The following AKR1E2 variants were observed in gnomAD, a reference collection of about 807,000 sequenced individuals.
The protein encoded by AKR1E2 is 1,5-anhydro-D-fructose reductase.
AKR1E2 carries 43 observed loss-of-function variants against 41.9 expected under a neutral mutation model. The ratio of observed to expected loss-of-function variants is 1.03; its 90% CI spans 0.80 to 1.32. The LOEUF (loss-of-function observed/expected upper bound fraction) is 1.32, where lower values mean the gene tolerates loss of function less well. AKR1E2 is among the 40% of genes most tolerant of loss of function. The pLI, the probability that AKR1E2 is intolerant of heterozygous loss-of-function variation, is 0.00. For synonymous variants in AKR1E2, 121 were observed against 138.9 expected (o/e 0.87, Z 0.91); for missense variants, 423 against 396.5 (o/e 1.07, Z -0.57).
At chr10:4,827,242 T>C (rs1832612394) in intron 1 of AKR1E2, among the ~76,000 whole-genome samples, 1 of 152,150 alleles carries the variant, frequency 6.6e-6, no homozygotes, top group South Asian at 2.1e-4. Context: ...TTTTGAGCCG[T>C]GTATACAATT....
chr10:4,846,069 G>A, intron 8 of AKR1E2: 1 of 355,738 alleles, frequency 2.8e-6, no homozygotes, highest in Non-Finnish European at 5.6e-6. Flanking sequence ...CCTTTATAAG[G>A]AGTCTTCTAG....
At chr10:4,835,088 C>T (rs1328850296) in intron 3 of AKR1E2, among the ~76,000 whole-genome samples, 1 of 152,220 alleles carries the variant, frequency 6.6e-6, no homozygotes, top group Non-Finnish European at 1.5e-5. Flanking sequence ...AATAAACATG[C>T]CTATGCCATT....
chr10:4,832,022 G>T (rs11252767), intron 2 of AKR1E2, among the ~76,000 whole-genome samples: 15,629 of 152,210 alleles, frequency 0.1, 902 homozygotes, highest in Middle Eastern at 0.15. Context: ...GGAAATGGAT[G>T]TGGAGGGTAT....
At chr10:4,854,487 C>A in the AKR1E2 span, among the ~76,000 whole-genome samples, 1 of 152,176 alleles carries the variant, frequency 6.6e-6, no homozygotes, top group East Asian at 1.9e-4. Context: ...CTCTTGGGGT[C>A]TTCTTCCAGA....
At chr10:4,852,744 T>TG (rs879464858), downstream of AKR1E2, among the ~76,000 whole-genome samples, 220 of 152,308 alleles carry the variant, frequency 1.4e-3, 1 homozygote, top group Non-Finnish European at 2.0e-3. Context: ...ATTTTGTTGT[T>TG]TTTGTTCTAA....
the AKR1E2 span, among the ~76,000 whole-genome samples, chr10:4,864,069 C>G: frequency 3.9e-5 from 6 of 152,126 alleles, no homozygotes; most frequent in African/African-American, 1.4e-4. Context: ...TGAAACTATT[C>G]CAATCAATAG....
chr10:4,844,216 G>A (rs1460999450), intron 8 of AKR1E2, among the ~76,000 whole-genome samples: 1 of 152,198 alleles, frequency 6.6e-6, no homozygotes, highest in Non-Finnish European at 1.5e-5. Flanking sequence ...TGGCTTAGGA[G>A]TGAAGGTGAG....
At chr10:4,825,925 A>G (rs1480313442), upstream of AKR1E2, among the ~76,000 whole-genome samples, 1 of 151,612 alleles carries the variant, frequency 6.6e-6, no homozygotes. Context: ...GTCACACCTA[A>G]GGTGGGGGCG....
the AKR1E2 span, among the ~76,000 whole-genome samples, chr10:4,860,297 G>A: frequency 6.6e-6 from 1 of 152,190 alleles, no homozygotes; most frequent in Non-Finnish European, 1.5e-5. Context: ...CACCTTTGAG[G>A]TCAAGAATAT....
At chr10:4,868,516 C>G in the AKR1E2 span, among the ~76,000 whole-genome samples, 1 of 152,164 alleles carries the variant, frequency 6.6e-6, no homozygotes, top group Non-Finnish European at 1.5e-5. Context: ...CAAATGGAAA[C>G]AGTTTTCTTT....
At chr10:4,841,739 C>T in intron 6 of AKR1E2, 46 bp from the exon 7 acceptor site, 2 of 1,363,930 alleles carry the variant, frequency 1.5e-6, no homozygotes, top group Non-Finnish European at 2.0e-6. Context: ...AAAGGGGCAT[C>T]CATGTTGGAT....
At position 4,826,311 on chromosome 10, in the gene AKR1E2, G is replaced by C. The variant is rs1832493094; in HGVS notation, c.-14G>C. On this transcript the variant is annotated 5_prime_UTR_variant, in exon 1 of 10. Transcript: ENST00000298375. ...GTGCGGGGCGGCGGGGCGGCGGGGCGGCCGGCGGCGGCCATGGGAGATATC... is the reference window on the plus strand; with the variant it reads ...GTGCGGGGCGGCGGGGCGGCGGGGCCGCCGGCGGCGGCCATGGGAGATATC... 8.1e-7 allele frequency: 1 copy of C among 1,233,260 alleles called. No homozygotes were observed. 76.4% of individuals were successfully genotyped at this position (1,233,260 alleles called of 1,614,324 possible).
At chr10:4,853,950 AG>A in the AKR1E2 span, among the ~76,000 whole-genome samples, 1 of 152,198 alleles carries the variant, frequency 6.6e-6, no homozygotes, top group African/African-American at 2.4e-5. Context: ...GCTACCCTAT[AG>A]GGTCTAAAAA....
In AKR1E2 at chr10:4,837,344, T is replaced by C. The variant is rs994791796; in HGVS notation, c.460-115T>C. 8.6e-6 allele frequency: 12 copies of C among 1,393,736 alleles called. No homozygotes were observed. The African/African-American group carries it at 1.6e-4, about 18-fold the overall frequency. The allele number at this position is 1,393,736 out of a possible 1,614,324, so 86.3% of individuals were successfully genotyped here. A position where few individuals can be genotyped will look rare whatever the true frequency, so the allele number is the denominator to read the frequency against. ...TGCTTTTGAAGCTTCAAGTAAAATA[T>C]TGTAAAAATATTGGGTCCAACCAGT... On this transcript the variant is annotated intron_variant, in intron 4 of 9. Coordinates refer to ENST00000298375, the MANE Select transcript of AKR1E2 (RefSeq NM_001040177.3).
At chr10:4,828,777 T>C (rs931090160) in intron 1 of AKR1E2, among the ~76,000 whole-genome samples, 3 of 152,256 alleles carry the variant, frequency 2.0e-5, no homozygotes, top group Admixed American at 2.0e-4. Flanking sequence ...TAGTTTTTCC[T>C]GAAGAGAATA....
upstream of AKR1E2, chr10:4,825,037 A>C (rs2131469333): frequency 2.2e-6 from 1 of 455,546 alleles, no homozygotes; most frequent in East Asian, 7.0e-5. Context: ...CCCCGTGCAC[A>C]GGTGAGTGCT....
chr10:4,857,826 A>G, the AKR1E2 span, among the ~76,000 whole-genome samples: 1 of 152,144 alleles, frequency 6.6e-6, no homozygotes, highest in Non-Finnish European at 1.5e-5. Context: ...TTTTTTATTT[A>G]AATGAGTTTT....
intron 3 of AKR1E2, among the ~76,000 whole-genome samples, chr10:4,833,696 C>T (rs1399296050): frequency 6.6e-6 from 1 of 152,160 alleles, no homozygotes; most frequent in East Asian, 1.9e-4. Flanking sequence ...GTCTTTCAAG[C>T]CAGTCGCTTT....
the AKR1E2 span, among the ~76,000 whole-genome samples, chr10:4,858,397 A>T: frequency 6.6e-6 from 1 of 152,244 alleles, no homozygotes; most frequent in Admixed American, 6.5e-5. Flanking sequence ...CAGCAGGCTG[A>T]ATCCTATATT....
Sources: gnomAD v4.1 joint callset for allele counts (sites outside exome capture counted in the v4.1 genomes callset) on GRCh38, gnomAD v4.1.1 for gene constraint, MANE v1.5 for transcripts, NCBI Gene and HGNC (gene_info 2026-07-23, HGNC 2026-07-21) for gene names.